The following PPP3CA variants were observed in gnomAD, a reference collection of about 807,000 sequenced individuals.
PPP3CA encodes protein phosphatase 3 catalytic subunit alpha, also known as CAM-PRP catalytic subunit.
A neutral mutation model predicts 66.5 loss-of-function variants in PPP3CA; 14 were observed. The observed-to-expected ratio is 0.21, with a 90% confidence interval of 0.14 to 0.33. The LOEUF (loss-of-function observed/expected upper bound fraction) is 0.33, where lower values mean the gene tolerates loss of function less well. Among genes scored for constraint, PPP3CA ranks in the 10% least tolerant of loss-of-function variants. The probability of loss-of-function intolerance (pLI) is 1.00; values close to 1 mark genes in which losing one functional copy is unlikely to be tolerated. For missense variants in PPP3CA, 317 were observed against 639.5 expected (o/e 0.50, Z 5.44); for synonymous variants, 232 against 226.2 (o/e 1.03, Z -0.23).
chr4:101,323,157 C>T (rs1269919196), intron 1 of PPP3CA, among the ~76,000 whole-genome samples: 1 of 152,114 alleles, frequency 6.6e-6, no homozygotes, highest in Non-Finnish European at 1.5e-5. Context: ...TTCTAGTATT[C>T]CTATTGCTCC....
At chr4:101,338,093 C>A (rs1293182403) in intron 1 of PPP3CA, among the ~76,000 whole-genome samples, 1 of 152,198 alleles carries the variant, frequency 6.6e-6, no homozygotes, top group Non-Finnish European at 1.5e-5. Flanking sequence ...TCAAATGGCT[C>A]TCCCCTCAAT....
At position 101,347,321 on chromosome 4, in the gene PPP3CA, C is replaced by CGCTGCTGCCGCT. The variant is rs1254695623; in HGVS notation, c.-537_-526dup. Reference sequence around the variant, plus strand: ...TCCCCGGCGGCGGAGAGGCGGCCGCCGCTGCTGCCGCTGCTGCTGCCGCTG... The same window carrying CGCTGCTGCCGCT: ...TCCCCGGCGGCGGAGAGGCGGCCGCCGCTGCTGCCGCTGCTGCTGCCGCTGCTGCTGCCGCTG... On this transcript the variant is annotated 5_prime_UTR_variant, in exon 1 of 14. Transcript: ENST00000394854. The CGCTGCTGCCGCT allele has an allele frequency of 5.8e-3, 1,171 of 201,858 alleles. 13 individuals carry two copies. The highest frequency in any genetic ancestry group is 0.026 in the Middle Eastern group (13 of 500). 12.5% of individuals were successfully genotyped at this position (201,858 alleles called of 1,614,324 possible). A position where few individuals can be genotyped will look rare whatever the true frequency, so the allele number is the denominator to read the frequency against.
intron 2 of PPP3CA, among the ~76,000 whole-genome samples, chr4:101,195,594 A>G (rs1202064147): frequency 6.6e-6 from 1 of 152,170 alleles, no homozygotes; most frequent in Non-Finnish European, 1.5e-5. Context: ...ACTTTGTCTA[A>G]TCTTTCCCAA....
intron 1 of PPP3CA, among the ~76,000 whole-genome samples, chr4:101,251,882 A>G (rs1726689263): frequency 6.6e-6 from 1 of 152,142 alleles, no homozygotes; most frequent in Non-Finnish European, 1.5e-5. Flanking sequence ...TACCAAAGGT[A>G]CTGACTGTTG....
intron 10 of PPP3CA, among the ~76,000 whole-genome samples, 165 bp from the exon 11 acceptor site, chr4:101,040,731 G>A (rs978916312): frequency 2.0e-5 from 3 of 151,162 alleles, no homozygotes; most frequent in Non-Finnish European, 4.4e-5. Flanking sequence ...TTAAGCTTTT[G>A]GCCACCAATA....
intron 3 of PPP3CA, among the ~76,000 whole-genome samples, chr4:101,103,779 T>C (rs1006428359): frequency 6.6e-6 from 1 of 152,216 alleles, no homozygotes; most frequent in African/African-American, 2.4e-5. Flanking sequence ...CAGCTGTGCA[T>C]GCCTCTGTTT....
intron 8 of PPP3CA, among the ~76,000 whole-genome samples, chr4:101,075,019 A>G (rs550910044): frequency 1.3e-5 from 2 of 152,336 alleles, no homozygotes; most frequent in South Asian, 4.1e-4. Flanking sequence ...GTGACAGGCA[A>G]GAGAGCTTGC....
chr4:101,289,870 ATGTGTG>A (rs72004461), intron 1 of PPP3CA, among the ~76,000 whole-genome samples: 26,734 of 141,706 alleles, frequency 0.19, 2,834 homozygotes, highest in East Asian at 0.48. Context: ...ATGTCCGTGT[ATGTGTG>A]TGTGTGTGTG....
chr4:101,054,964 T>C (rs1371693524), intron 10 of PPP3CA, among the ~76,000 whole-genome samples: 1 of 152,132 alleles, frequency 6.6e-6, no homozygotes, highest in African/African-American at 2.4e-5. Context: ...ATGTATTCAC[T>C]TTATTATTTT....
At chr4:101,332,737 A>G (rs1463255643) in intron 1 of PPP3CA, among the ~76,000 whole-genome samples, 1 of 152,232 alleles carries the variant, frequency 6.6e-6, no homozygotes. Context: ...ACCTTAAAAA[A>G]TTAGTATCGT....
At chr4:101,123,629 G>A (rs1039334366) in intron 2 of PPP3CA, among the ~76,000 whole-genome samples, 9 of 152,050 alleles carry the variant, frequency 5.9e-5, no homozygotes, top group African/African-American at 2.2e-4. Context: ...CTATGAATTC[G>A]AGACCAGCCT....
intron 1 of PPP3CA, among the ~76,000 whole-genome samples, chr4:101,296,320 TG>T (rs1728197986): frequency 6.6e-6 from 1 of 152,170 alleles, no homozygotes; most frequent in African/African-American, 2.4e-5. Context: ...CTATTATGTT[TG>T]TTTTTAAAAC....
intron 6 of PPP3CA, among the ~76,000 whole-genome samples, chr4:101,092,428 G>T (rs1454056014): frequency 1.4e-5 from 2 of 144,912 alleles, no homozygotes; most frequent in African/African-American, 5.0e-5. Context: ...TTTTGGTACA[G>T]TTTTTTTTTT....
At chr4:101,282,123 T>C (rs1469566354) in intron 1 of PPP3CA, among the ~76,000 whole-genome samples, 1 of 152,224 alleles carries the variant, frequency 6.6e-6, no homozygotes, top group Non-Finnish European at 1.5e-5. Context: ...AGTTATTCTA[T>C]ATGAGCTTAG....
At chr4:101,224,517 T>A (rs969400984) in intron 1 of PPP3CA, among the ~76,000 whole-genome samples, 3 of 151,752 alleles carry the variant, frequency 2.0e-5, no homozygotes, top group Non-Finnish European at 4.4e-5. Context: ...TGTATTTCCA[T>A]TTCAAAATGT....
At chr4:101,102,744 G>A (rs75643996) in intron 3 of PPP3CA, among the ~76,000 whole-genome samples, 8,733 of 152,218 alleles carry the variant, frequency 0.057, 831 homozygotes, top group African/African-American at 0.19. Flanking sequence ...TGAAAGCAGT[G>A]AAATACAATT....
chr4:101,093,516 T>C (rs1730053105), intron 6 of PPP3CA, among the ~76,000 whole-genome samples: 1 of 152,228 alleles, frequency 6.6e-6, no homozygotes, highest in African/African-American at 2.4e-5. Context: ...CTTGCTTTAT[T>C]GCAATATTTG....
At chr4:101,260,568 T>C in intron 1 of PPP3CA, among the ~76,000 whole-genome samples, 1 of 152,106 alleles carries the variant, frequency 6.6e-6, no homozygotes. Context: ...TGATCCTTCA[T>C]CAAAAAATGC....
chr4:101,251,298 A>T (rs930055407), intron 1 of PPP3CA, among the ~76,000 whole-genome samples: 1 of 152,112 alleles, frequency 6.6e-6, no homozygotes, highest in African/African-American at 2.4e-5. Flanking sequence ...TTTCCCAAAG[A>T]AGTAAATATC....
Sources: allele counts gnomAD v4.1 joint callset (sites outside exome capture counted in the v4.1 genomes callset), GRCh38; gene constraint gnomAD v4.1.1; transcripts MANE v1.5; gene names NCBI Gene and HGNC (gene_info 2026-07-23, HGNC 2026-07-21).